The following XPO1 variants were observed in gnomAD, a reference collection of about 807,000 sequenced individuals.
XPO1 encodes exportin-1.
XPO1 carries 5 observed loss-of-function variants against 133.3 expected under a neutral mutation model. The ratio of observed to expected loss-of-function variants is 0.04; its 90% CI spans 0.02 to 0.08. The LOEUF (loss-of-function observed/expected upper bound fraction) is 0.08. XPO1 is among the 10% of genes least tolerant of loss of function. XPO1 has a pLI of 1.00. For missense variants in XPO1, 506 were observed against 1,267.5 expected, an observed-to-expected ratio of 0.40 and a Z score of 9.12; for synonymous variants, 419 against 408.2, an observed-to-expected ratio of 1.03 and a Z score of -0.32.
intron 4 of XPO1, among the ~76,000 whole-genome samples, 174 bp downstream of exon 4, chr2:61,522,437 T>G (rs891719100): frequency 6.6e-6 from 1 of 152,158 alleles, no homozygotes; most frequent in Non-Finnish European, 1.5e-5. Flanking sequence ...AACCTGTAAG[T>G]GGCCTTCCTG....
chr2:61,483,961 T>G lies in XPO1; in HGVS notation c.2653A>C (p.Thr885Pro). ...LDSIIWAFKH[T>P]MRNVADTGLQ... ...CCCGTATCTGCGACATTCCTCATAG[T>G]ATGTTTGAAAGCCCAAATGATGGAA... The change falls in exon 21 of 25, where the codon ACT becomes CCT. Residue 885 changes from threonine (T) to proline (P), a missense_variant. Thr to Pro is a conservative substitution (Grantham distance 38, BLOSUM62 -1). Coordinates refer to ENST00000401558, the MANE Select transcript of XPO1 (RefSeq NM_003400.4). The G allele has an allele frequency of 6.2e-7, 1 of 1,613,484 alleles. No individual in the cohort carries two copies. Among genetic ancestry groups the G allele is most frequent in the Non-Finnish European group, 8.5e-7 (1 of 1,179,818 alleles).
chr2:61,495,858 C>T (rs1357327915), intron 10 of XPO1, among the ~76,000 whole-genome samples: 1 of 151,908 alleles, frequency 6.6e-6, no homozygotes, highest in Non-Finnish European at 1.5e-5. Context: ...TTTGTAGAGA[C>T]GGTATCTTGT....
chr2:61,530,259 A>G (rs183081285), intron 2 of XPO1, among the ~76,000 whole-genome samples: 32 of 152,292 alleles, frequency 2.1e-4, no homozygotes, highest in East Asian at 3.9e-4. Flanking sequence ...CGCTACATAA[A>G]TAATATTCTT....
intron 20 of XPO1, chr2:61,485,239 T>C (rs1289908677): frequency 6.6e-6 from 1 of 152,420 alleles, no homozygotes; most frequent in African/African-American, 2.4e-5. Context: ...ACTTTTATAA[T>C]TGAAACATGC....
intron 12 of XPO1, 71 bp from the exon 13 acceptor site, chr2:61,493,124 T>C: frequency 1.4e-6 from 2 of 1,449,268 alleles, no homozygotes; most frequent in Non-Finnish European, 1.8e-6. Context: ...AGAAGCTTAG[T>C]TAAAAACAAA....
In XPO1 at chr2:61,480,388, T is replaced by C. The variant is rs1696287390; in HGVS notation, c.3069+797A>G. 2.0e-5 allele frequency: 3 copies of C among 151,222 alleles called. No individual in the cohort carries two copies. The South Asian group carries it at 6.3e-4, about 32-fold the overall frequency. 9.4% of individuals were successfully genotyped at this position (151,222 alleles called of 1,614,324 possible). A position where few individuals can be genotyped will look rare whatever the true frequency, so the allele number is the denominator to read the frequency against. On this transcript the variant is annotated intron_variant, in intron 24 of 24. Transcript: ENST00000401558. Reference sequence around the variant, plus strand: ...TTTGCCTCGTGGGTTCAAGCAATTCTCTTGCCTCAGCCTCTCAAGTAGCTG... The same window carrying C: ...TTTGCCTCGTGGGTTCAAGCAATTCCCTTGCCTCAGCCTCTCAAGTAGCTG...
Position 61,502,232 on chromosome 2 carries a change from C to A in XPO1, c.363+17G>T. On this transcript the variant is annotated intron_variant, in intron 5 of 24. Transcript: ENST00000401558. ...TGATTTTATGCTCTCCCAATAAGCT[C>A]CAAAATAAACTCTTACCTCTACACA... is the stretch of plus-strand genomic sequence containing the variant. 6.2e-7 allele frequency: 1 copy of A among 1,608,020 alleles called. No homozygotes were observed. Among genetic ancestry groups the A allele is most frequent in the Non-Finnish European group, 8.5e-7 (1 of 1,178,554 alleles).
chr2:61,486,028 G>C, intron 19 of XPO1, 66 bp from the exon 20 acceptor site: 1 of 1,388,726 alleles, frequency 7.2e-7, no homozygotes, highest in Non-Finnish European at 9.8e-7. Flanking sequence ...TAAACAACAA[G>C]GTTATTCCTG....
rs1696983059 is a variant in XPO1 at position 61,491,459 on chromosome 2, A to AC, written c.1887+575_1887+576insG. 2.0e-3 allele frequency among the ~76,000 whole-genome samples: 285 copies of AC among 143,012 alleles called. 1 individual carries two copies. The highest frequency in any genetic ancestry group is 6.6e-3 in the African/African-American group (252 of 38,112). 93.8% of individuals were successfully genotyped at this position (143,012 alleles called of 152,430 possible). On this transcript the variant is annotated intron_variant, in intron 16 of 24. Transcript: ENST00000401558. ...GAGTGAAACTCCATCTCAAAAAACAAACACACACACACACACACACACACA... is the reference window on the plus strand; with the variant it reads ...GAGTGAAACTCCATCTCAAAAAACAACACACACACACACACACACACACACA...
intron 19 of XPO1, among the ~76,000 whole-genome samples, chr2:61,487,869 C>CATTAATTAA (rs1696774594): frequency 6.6e-6 from 1 of 152,094 alleles, no homozygotes; most frequent in Admixed American, 6.6e-5. Flanking sequence ...AAAACTGCAC[C>CATTAATTAA]GGTACTCCAT....
intron 3 of XPO1, 31 bp downstream of exon 3, chr2:61,526,389 A>G (rs754557510): frequency 1.3e-6 from 2 of 1,594,944 alleles, no homozygotes; most frequent in South Asian, 1.1e-5. Flanking sequence ...AAGAAAAGAA[A>G]TAACAGATTT....
intron 22 of XPO1, 92 bp downstream of exon 22, chr2:61,482,865 T>TC: frequency 1.3e-6 from 2 of 1,496,486 alleles, no homozygotes; most frequent in Non-Finnish European, 1.8e-6. Flanking sequence ...CCTCATAATC[T>TC]CCCCGCCTCG....
chr2:61,507,017 G>C (rs934249943), intron 4 of XPO1, among the ~76,000 whole-genome samples: 1 of 151,958 alleles, frequency 6.6e-6, no homozygotes, highest in African/African-American at 2.4e-5. Context: ...ATCATCTGAG[G>C]TCAAGAGTTC....
chr2:61,503,507 C>A (rs1306892653), intron 4 of XPO1, among the ~76,000 whole-genome samples: 1 of 152,160 alleles, frequency 6.6e-6, no homozygotes, highest in African/African-American at 2.4e-5. Context: ...TCACTGCAAG[C>A]TCCACCTCCT....
rs551002019 is a variant in XPO1, at chr2:61,491,366, C to T, written c.1888-590G>A. 1.4e-3 allele frequency among the ~76,000 whole-genome samples: 203 copies of T among 147,422 alleles called. 1 individual carries two copies. Among genetic ancestry groups the T allele is most frequent in the Middle Eastern group, 3.9e-3 (1 of 254 alleles). ...AATCATAGCCACTGAGGAAGAGAAT[C>T]GTTTGACCCCAGGAGGCAAGGCTGC... On this transcript the variant is annotated intron_variant, in intron 16 of 24. Coordinates refer to ENST00000401558, the MANE Select transcript of XPO1 (RefSeq NM_003400.4).
At chr2:61,493,222 G>C (rs1697077819) in intron 12 of XPO1, 169 bp from the exon 13 acceptor site, 2 of 564,610 alleles carry the variant, frequency 3.5e-6, no homozygotes, top group East Asian at 3.1e-5. Flanking sequence ...AAAAAGAACT[G>C]TTGTGGCCAG....
intron 12 of XPO1, 27 bp from the exon 13 acceptor site, chr2:61,493,080 A>G: frequency 6.5e-7 from 1 of 1,541,656 alleles, no homozygotes; most frequent in Non-Finnish European, 8.7e-7. Context: ...ATCAATCAAG[A>G]AAAAAATCGT....
At chr2:61,530,842 T>A (rs902667371) in intron 2 of XPO1, among the ~76,000 whole-genome samples, 36 of 151,770 alleles carry the variant, frequency 2.4e-4, no homozygotes, top group Middle Eastern at 3.4e-3. Context: ...AAAAAAAAAA[T>A]TTTTTTAATT....
At chr2:61,535,798 A>T (rs1699334110) in intron 1 of XPO1, among the ~76,000 whole-genome samples, 1 of 152,058 alleles carries the variant, frequency 6.6e-6, no homozygotes, top group Non-Finnish European at 1.5e-5. Context: ...TACACACCAC[A>T]AAAAAACCTT....
Sources: allele counts gnomAD v4.1 joint callset (sites outside exome capture counted in the v4.1 genomes callset), GRCh38; gene constraint gnomAD v4.1.1; transcripts MANE v1.5; gene names NCBI Gene and HGNC (gene_info 2026-07-23, HGNC 2026-07-21).